Variants in RCOR1 observed in about 807,000 individuals in gnomAD.
The protein encoded by RCOR1 is REST corepressor.
In RCOR1, 12 loss-of-function variants were observed where a neutral mutation model predicts 64.0. The ratio of observed to expected loss-of-function variants is 0.19; its 90% confidence interval spans 0.12 to 0.30. The LOEUF (loss-of-function observed/expected upper bound fraction) is 0.30. Ranked by LOEUF, RCOR1 falls within the 10% of genes least tolerant of loss-of-function variation. The pLI is 1.00. For missense variants in RCOR1, 502 were observed against 621.2 expected, an observed-to-expected ratio of 0.81 and a Z score of 2.04; for synonymous variants, 279 against 227.2, an observed-to-expected ratio of 1.23 and a Z score of -2.05.
intron 2 of RCOR1, among the ~76,000 whole-genome samples, chr14:102,625,811 A>T (rs1003292663): frequency 6.6e-6 from 1 of 152,068 alleles, no homozygotes; most frequent in African/African-American, 2.4e-5. Flanking sequence ...GTCTAGTATA[A>T]TTTCTGTGTC....
chr14:102,716,821 CATATAAA>C (rs1896078312), intron 8 of RCOR1, among the ~76,000 whole-genome samples: 1 of 152,230 alleles, frequency 6.6e-6, no homozygotes, highest in East Asian at 1.9e-4. Flanking sequence ...TTTTACTTTC[CATATAAA>C]ATTTAGAATT....
intron 2 of RCOR1, among the ~76,000 whole-genome samples, chr14:102,613,143 C>T (rs1245360657): frequency 6.6e-6 from 1 of 151,940 alleles, no homozygotes; most frequent in African/African-American, 2.4e-5. Context: ...GCTCTGTCGC[C>T]CACGCTGGAA....
chr14:102,642,943 G>T (rs1342249885), intron 2 of RCOR1, among the ~76,000 whole-genome samples: 4 of 152,300 alleles, frequency 2.6e-5, no homozygotes, highest in Admixed American at 6.5e-5. Context: ...CCATTTTAAA[G>T]ATTTTACAGT....
chr14:102,621,011 C>A (rs1315911331), intron 2 of RCOR1, among the ~76,000 whole-genome samples: 2 of 152,176 alleles, frequency 1.3e-5, no homozygotes, highest in East Asian at 3.8e-4. Flanking sequence ...TTTCTGGTCA[C>A]CTATTGTTAA....
intron 2 of RCOR1, among the ~76,000 whole-genome samples, chr14:102,668,329 GA>G (rs1029671424): frequency 1.3e-5 from 2 of 152,176 alleles, no homozygotes; most frequent in African/African-American, 4.8e-5. Context: ...CTAAAATTAA[GA>G]ATCAAGACAG....
chr14:102,715,117 G>A (rs570189419), intron 8 of RCOR1, among the ~76,000 whole-genome samples: 1 of 151,246 alleles, frequency 6.6e-6, no homozygotes, highest in South Asian at 2.1e-4. Context: ...CGCCCAGGCT[G>A]GAGTGCAGTG....
At chr14:102,677,094 A>C (rs1475649593) in intron 2 of RCOR1, among the ~76,000 whole-genome samples, 2 of 111,674 alleles carry the variant, frequency 1.8e-5, no homozygotes, top group South Asian at 3.1e-4. Flanking sequence ...CTCACTTCCC[A>C]GTAGGGGCGG....
Position 102,723,063 on chromosome 14 carries a change from G to C in RCOR1, c.1419+647G>C, listed in dbSNP as rs1896193851. On this transcript the variant is annotated intron_variant, in intron 11 of 11. Coordinates refer to ENST00000262241, the MANE Select transcript of RCOR1 (RefSeq NM_015156.4). ...TTCCCCATCTAGCCTGGCCTGCCTT[G>C]CTGTTACATTTGTCCCTCTATTCCC... Among the ~76,000 whole-genome samples, 3 of 152,218 alleles carry C rather than the reference G, an allele frequency of 2.0e-5. No individual in the cohort carries two copies. In the South Asian group the frequency reaches 6.2e-4, roughly 31 times the overall value.
At chr14:102,658,718 T>G in intron 2 of RCOR1, 1 of 784,506 alleles carries the variant, frequency 1.3e-6, no homozygotes, top group African/African-American at 1.9e-5. Flanking sequence ...TTATTTAGAT[T>G]CCAATAGTTT....
rs145660604 is a variant in RCOR1 at position 102,630,765 on chromosome 14, G to A, written c.361+37440G>A. Among the ~76,000 whole-genome samples, 765 of 152,240 alleles carry A rather than the reference G, an allele frequency of 5.0e-3. 5 individuals are homozygous for A. The highest frequency in any genetic ancestry group is 8.2e-3 in the Non-Finnish European group (555 of 68,020). The stretch of plus-strand genomic sequence containing the variant: ...CCGGACTGTTTCATGAAGAATTCCA[G>A]AAGTCCCCTTCTCCCTCATAGGAAA... On this transcript the variant is annotated intron_variant, in intron 2 of 11. Coordinates refer to ENST00000262241, the MANE Select transcript of RCOR1 (RefSeq NM_015156.4).
At chr14:102,677,284 C>G (rs1204004316) in intron 2 of RCOR1, among the ~76,000 whole-genome samples, 1 of 96,184 alleles carries the variant, frequency 1.0e-5, no homozygotes, top group Non-Finnish European at 2.1e-5. Flanking sequence ...TCGGGGCGGC[C>G]GGGCAAAGGA....
intron 2 of RCOR1, among the ~76,000 whole-genome samples, chr14:102,636,479 C>T (rs1409053048): frequency 6.6e-6 from 1 of 151,866 alleles, no homozygotes; most frequent in African/African-American, 2.4e-5. Flanking sequence ...TAGGGTTTCA[C>T]TATGTTGGCC....
Position 102,603,152 on chromosome 14 carries a change from G to A in RCOR1, c.361+9827G>A, listed in dbSNP as rs149511913. On this transcript the variant is annotated intron_variant, in intron 2 of 11. Coordinates refer to ENST00000262241, the MANE Select transcript of RCOR1 (RefSeq NM_015156.4). ...TGGAGTGCAGTGGCGTGATCATAGC[G>A]TACTGTAGCCTTGAACTTCTAGGGC... 3.2e-4 allele frequency among the ~76,000 whole-genome samples: 47 copies of A among 147,706 alleles called. 1 individual carries two copies. The East Asian group carries it at 4.5e-3, about 14-fold the overall frequency.
At chr14:102,598,683 C>G (rs560993333) in intron 2 of RCOR1, among the ~76,000 whole-genome samples, 5 of 150,868 alleles carry the variant, frequency 3.3e-5, no homozygotes, top group African/African-American at 7.3e-5. Flanking sequence ...CTCCTGACCT[C>G]GTGATCCGCC....
At chr14:102,614,837 T>A (rs1004375614) in intron 2 of RCOR1, among the ~76,000 whole-genome samples, 4 of 151,512 alleles carry the variant, frequency 2.6e-5, no homozygotes, top group Non-Finnish European at 4.4e-5. Flanking sequence ...CTGAATAATT[T>A]TTTTTTTTTT....
At chr14:102,680,044 A>C (rs958441060) in intron 2 of RCOR1, among the ~76,000 whole-genome samples, 3 of 152,042 alleles carry the variant, frequency 2.0e-5, no homozygotes, top group Non-Finnish European at 4.4e-5. Flanking sequence ...TCTATGATCT[A>C]TTTCTTCATC....
At chr14:102,726,091 G>A (rs1018503583) in intron 11 of RCOR1, among the ~76,000 whole-genome samples, 3 of 152,034 alleles carry the variant, frequency 2.0e-5, no homozygotes, top group Non-Finnish European at 4.4e-5. Flanking sequence ...CACTTTGGGA[G>A]GCCGAGGCAG....
intron 2 of RCOR1, among the ~76,000 whole-genome samples, chr14:102,663,631 C>G: frequency 6.6e-6 from 1 of 152,048 alleles, no homozygotes; most frequent in Non-Finnish European, 1.5e-5. Context: ...TTTTTTTTCT[C>G]TTGGATTGCT....
At chr14:102,673,664 A>G (rs897830122) in intron 2 of RCOR1, among the ~76,000 whole-genome samples, 18 of 143,032 alleles carry the variant, frequency 1.3e-4, no homozygotes, top group African/African-American at 2.9e-4. Context: ...TGCCCAGGCT[A>G]GAGTGCAATG....
Sources: gnomAD v4.1 joint callset for allele counts (sites outside exome capture counted in the v4.1 genomes callset) on GRCh38, gnomAD v4.1.1 for gene constraint, MANE v1.5 for transcripts, NCBI Gene and HGNC (gene_info 2026-07-23, HGNC 2026-07-21) for gene names.